The following MAPK4 variants were observed in gnomAD, a reference collection of about 807,000 sequenced individuals.
The protein encoded by MAPK4 is Erk3-related.
A neutral mutation model predicts 47.7 loss-of-function variants in MAPK4; 22 were observed. The observed-to-expected ratio is 0.46, with a 90% CI of 0.33 to 0.66. The LOEUF is 0.66. Ranked by LOEUF, MAPK4 falls within the 30% of genes least tolerant of loss-of-function variation. The probability of loss-of-function intolerance (pLI) is 0.02; values close to 1 mark genes in which losing one functional copy is unlikely to be tolerated. For missense variants in MAPK4, 736 were observed against 831.7 expected, an observed-to-expected ratio of 0.88 and a Z score of 1.42; for synonymous variants, 390 against 365.7, an observed-to-expected ratio of 1.07 and a Z score of -0.76.
intron 4 of MAPK4, among the ~76,000 whole-genome samples, chr18:50,725,442 T>G (rs149386162): frequency 1.6e-4 from 25 of 152,260 alleles, no homozygotes; most frequent in African/African-American, 6.0e-4. Context: ...GGCTCCTCCG[T>G]CCCATTCCAG....
At chr18:50,629,881 A>G (rs907460588) in intron 1 of MAPK4, 20 of 152,256 alleles carry the variant, frequency 1.3e-4, no homozygotes, top group African/African-American at 4.8e-4. Flanking sequence ...GTGAGTAGGT[A>G]AAACTGAGGG....
intron 1 of MAPK4, among the ~76,000 whole-genome samples, chr18:50,619,598 G>A (rs2042713701): frequency 6.6e-6 from 1 of 152,098 alleles, no homozygotes; most frequent in Non-Finnish European, 1.5e-5. Flanking sequence ...CAAAGTGCTG[G>A]GATTACAGGC....
At chr18:50,701,917 A>G (rs1360028069) in intron 2 of MAPK4, among the ~76,000 whole-genome samples, 13 of 152,300 alleles carry the variant, frequency 8.5e-5, no homozygotes, top group African/African-American at 2.9e-4. Context: ...ACGCTTTGGG[A>G]GGCCAAGGCA....
chr18:50,627,426 C>A (rs1453547143), intron 1 of MAPK4, among the ~76,000 whole-genome samples: 1 of 152,178 alleles, frequency 6.6e-6, no homozygotes, highest in Non-Finnish European at 1.5e-5. Context: ...CTTCCACATC[C>A]CAACCACCAG....
intron 1 of MAPK4, among the ~76,000 whole-genome samples, chr18:50,588,725 T>G (rs2042409677): frequency 6.6e-6 from 1 of 152,154 alleles, no homozygotes; most frequent in Non-Finnish European, 1.5e-5. Flanking sequence ...CAGCTAATTT[T>G]TTGTATTTTT....
intron 2 of MAPK4, among the ~76,000 whole-genome samples, chr18:50,691,639 C>T (rs1249073323): frequency 6.6e-6 from 1 of 152,186 alleles, no homozygotes; most frequent in Non-Finnish European, 1.5e-5. Context: ...AGGCAGTTTT[C>T]CAGAACCAAT....
At chr18:50,569,789 G>C (rs1362071912) in intron 1 of MAPK4, among the ~76,000 whole-genome samples, 1 of 152,254 alleles carries the variant, frequency 6.6e-6, no homozygotes, top group Non-Finnish European at 1.5e-5. Context: ...CGGTTTACCA[G>C]GCCTCAGGGA....
rs73446384 is a variant in MAPK4 at position 50,623,891 on chromosome 18, T to C, written c.-870-39198T>C. On this transcript the variant is annotated intron_variant, in intron 1 of 5. Transcript: ENST00000400384. ...TAGTGTCTTTGCTGAATACACCAAG[T>C]GTGTTCTGCCCCAGGGCCTTTGCAC... 9.6e-3 allele frequency among the ~76,000 whole-genome samples: 1,465 copies of C among 152,372 alleles called. 22 individuals are homozygous for C. The highest frequency in any genetic ancestry group is 0.034 in the African/African-American group (1,410 of 41,590).
At chr18:50,591,130 G>A (rs1332963736) in intron 1 of MAPK4, among the ~76,000 whole-genome samples, 1 of 152,136 alleles carries the variant, frequency 6.6e-6, no homozygotes, top group African/African-American at 2.4e-5. Context: ...TGAGGAAAGG[G>A]GTCTCTGGTT....
intron 1 of MAPK4, among the ~76,000 whole-genome samples, chr18:50,627,426 C>T (rs1453547143): frequency 6.6e-6 from 1 of 152,178 alleles, no homozygotes; most frequent in African/African-American, 2.4e-5. Flanking sequence ...CTTCCACATC[C>T]CAACCACCAG....
intron 2 of MAPK4, among the ~76,000 whole-genome samples, chr18:50,703,971 C>T (rs1421673073): frequency 1.3e-5 from 2 of 152,182 alleles, no homozygotes; most frequent in Non-Finnish European, 2.9e-5. Flanking sequence ...GCAGGGCATC[C>T]CCAGTGTTCC....
At chr18:50,705,211 C>T (rs1209584767) in intron 2 of MAPK4, 1 of 157,522 alleles carries the variant, frequency 6.3e-6, no homozygotes, top group African/African-American at 2.4e-5. Context: ...TCCTGAATTT[C>T]ATGGGCATAT....
At chr18:50,622,131 C>T (rs2042737644) in intron 1 of MAPK4, among the ~76,000 whole-genome samples, 1 of 152,206 alleles carries the variant, frequency 6.6e-6, no homozygotes. Flanking sequence ...GTCAGACAGG[C>T]AGAGGGAGAA....
chr18:50,578,210 G>C (rs1330652972), intron 1 of MAPK4, among the ~76,000 whole-genome samples: 1 of 152,190 alleles, frequency 6.6e-6, no homozygotes, highest in Non-Finnish European at 1.5e-5. Flanking sequence ...CGAGCGCTCA[G>C]CTATCCTGGA....
chr18:50,717,303 C>T (rs763430782), intron 3 of MAPK4, among the ~76,000 whole-genome samples: 8 of 152,154 alleles, frequency 5.3e-5, no homozygotes, highest in Non-Finnish European at 1.2e-4. Context: ...TGGAAAAGGG[C>T]ACGAAAGCTG....
At chr18:50,635,376 G>T (rs908301357) in intron 1 of MAPK4, among the ~76,000 whole-genome samples, 1 of 152,054 alleles carries the variant, frequency 6.6e-6, no homozygotes, top group Non-Finnish European at 1.5e-5. Flanking sequence ...GATTTGACAT[G>T]CTGAATCTCT....
At chr18:50,724,879 G>A (rs982108280) in intron 4 of MAPK4, among the ~76,000 whole-genome samples, 2 of 152,188 alleles carry the variant, frequency 1.3e-5, no homozygotes, top group African/African-American at 2.4e-5. Context: ...GTAACATGAG[G>A]AGCCAAGTCA....
At chr18:50,712,272 C>T (rs1197572464) in intron 2 of MAPK4, among the ~76,000 whole-genome samples, 1 of 152,022 alleles carries the variant, frequency 6.6e-6, no homozygotes, top group African/African-American at 2.4e-5. Flanking sequence ...ACAAAACATA[C>T]AAAAATTAAC....
rs146914088 is a variant in MAPK4 at position 50,616,842 on chromosome 18, C to T, written c.-870-46247C>T. 3.3e-5 allele frequency among the ~76,000 whole-genome samples: 5 copies of T among 152,326 alleles called. No individual in the cohort carries two copies. The East Asian group carries it at 7.7e-4, about 23-fold the overall frequency. Reference sequence around the variant, plus strand: ...GATTAGATGGTGCCACCCAGACTGACGGTTCTGCCTTTCCCGGTTCCCTGA... The same window carrying T: ...GATTAGATGGTGCCACCCAGACTGATGGTTCTGCCTTTCCCGGTTCCCTGA... On this transcript the variant is annotated intron_variant, in intron 1 of 5. Coordinates refer to ENST00000400384, the MANE Select transcript of MAPK4 (RefSeq NM_002747.4).
Sources: gnomAD v4.1 joint callset for allele counts (sites outside exome capture counted in the v4.1 genomes callset) on GRCh38, gnomAD v4.1.1 for gene constraint, MANE v1.5 for transcripts, NCBI Gene and HGNC (gene_info 2026-07-23, HGNC 2026-07-21) for gene names.